PBRM1: variants seen among roughly 807,000 people sequenced by gnomAD.
PBRM1 encodes the protein polybromo 1.
Under a neutral mutation model 194.5 loss-of-function variants are expected in PBRM1, and 27 were observed. That is an observed-to-expected ratio of 0.14 (90% CI 0.10 to 0.19). PBRM1 has a LOEUF of 0.19. Ranked by LOEUF, PBRM1 falls within the 10% of genes least tolerant of loss-of-function variation. The pLI, the probability that PBRM1 is intolerant of heterozygous loss-of-function variation, is 1.00. For missense variants in PBRM1, 1,466 were observed against 2,077.2 expected, an observed-to-expected ratio of 0.71 and a Z score of 5.72; for synonymous variants, 655 against 693.2, an observed-to-expected ratio of 0.94 and a Z score of 0.87.
chr3:52,648,586 T>A (rs2096395250), intron 6 of PBRM1, 144 bp from the exon 8 acceptor site: 1 of 436,772 alleles, frequency 2.3e-6, no homozygotes, highest in Admixed American at 4.3e-5. Context: ...ACATGTAAAG[T>A]CATTTTCTTT....
intron 11 of PBRM1, among the ~76,000 whole-genome samples, chr3:52,631,957 T>G (rs1180607862): frequency 6.6e-6 from 1 of 152,160 alleles, no homozygotes; most frequent in Non-Finnish European, 1.5e-5. Context: ...CAACTTAAGA[T>G]TTTTGGTTAA....
At chr3:52,677,086 C>A (rs1215717232) in intron 2 of PBRM1, among the ~76,000 whole-genome samples, 1 of 152,064 alleles carries the variant, frequency 6.6e-6, no homozygotes, top group Non-Finnish European at 1.5e-5. Context: ...TAGTCCTGTC[C>A]AAGAGAACCC....
intron 10 of PBRM1, among the ~76,000 whole-genome samples, chr3:52,641,668 T>C (rs963424477): frequency 2.6e-5 from 4 of 152,164 alleles, no homozygotes; most frequent in Non-Finnish European, 4.4e-5. Flanking sequence ...TGAGATTTTC[T>C]GATGCTTTTA....
chr3:52,668,537 G>A (rs780202609), exon 3 of PBRM1: 1 of 1,607,056 alleles, frequency 6.2e-7, no homozygotes, highest in Admixed American at 1.7e-5. Context: ...GAAGCTGGAA[G>A]TCAGCAGTCA....
At chr3:52,583,050 T>C (rs1371326658) in intron 20 of PBRM1, among the ~76,000 whole-genome samples, 1 of 123,588 alleles carries the variant, frequency 8.1e-6, no homozygotes, top group African/African-American at 3.2e-5. Context: ...TGAGCTGAGA[T>C]CACGCCAATG....
chr3:52,593,117 C>G (rs2093253758), intron 17 of PBRM1, among the ~76,000 whole-genome samples: 1 of 152,150 alleles, frequency 6.6e-6, no homozygotes, highest in Non-Finnish European at 1.5e-5. Flanking sequence ...ATTTGTTAAT[C>G]TTTTGAATGG....
chr3:52,594,015 C>T (rs536684955), intron 17 of PBRM1, among the ~76,000 whole-genome samples: 9 of 152,176 alleles, frequency 5.9e-5, no homozygotes, highest in Non-Finnish European at 8.8e-5. Context: ...TGTCTAGTAC[C>T]GTCAGTTGGG....
chr3:52,683,357 G>C (rs529858418), upstream of PBRM1, among the ~76,000 whole-genome samples: 61 of 151,364 alleles, frequency 4.0e-4, no homozygotes, highest in African/African-American at 1.4e-3. Context: ...CTGGGTGACA[G>C]AGCGAGACCG....
At chr3:52,671,517 G>C (rs2096949972) in intron 2 of PBRM1, among the ~76,000 whole-genome samples, 1 of 152,230 alleles carries the variant, frequency 6.6e-6, no homozygotes, top group Non-Finnish European at 1.5e-5. Context: ...TTTGGAGTCA[G>C]AACGACTTTA....
At chr3:52,619,726 T>G (rs768319195) in intron 13 of PBRM1, among the ~76,000 whole-genome samples, 3 of 152,208 alleles carry the variant, frequency 2.0e-5, no homozygotes, top group Non-Finnish European at 4.4e-5. Context: ...GGCCAGATCT[T>G]TTCTCTCCAA....
At chr3:52,594,141 C>T (rs181595660) in intron 17 of PBRM1, among the ~76,000 whole-genome samples, 24 of 152,322 alleles carry the variant, frequency 1.6e-4, no homozygotes, top group Admixed American at 1.5e-3. Flanking sequence ...CTTGGCCTCC[C>T]ACAGTGTTGG....
At chr3:52,677,470 C>T (rs932226703) in intron 2 of PBRM1, among the ~76,000 whole-genome samples, 7 of 139,566 alleles carry the variant, frequency 5.0e-5, no homozygotes, top group South Asian at 4.5e-4. Flanking sequence ...TGGAGTGCAA[C>T]GGTACGATCT....
chr3:52,652,638 C>T (rs555334863), intron 5 of PBRM1, among the ~76,000 whole-genome samples: 3 of 150,690 alleles, frequency 2.0e-5, no homozygotes, highest in South Asian at 2.1e-4. Flanking sequence ...TGCAGCGAGC[C>T]GAGATCATGC....
chr3:52,563,209 C>T, intron 24 of PBRM1, 74 bp downstream of exon 26: 1 of 1,111,520 alleles, frequency 9.0e-7, no homozygotes, highest in Non-Finnish European at 1.3e-6. Flanking sequence ...CTGGATGTCA[C>T]TTTACTTTGG....
downstream of PBRM1, chr3:52,545,620 A>C (rs1559753935): frequency 5.6e-5 from 13 of 233,044 alleles, no homozygotes; most frequent in East Asian, 5.4e-4. Flanking sequence ...CTTAAAAAAA[A>C]AACAACAACC....
At chr3:52,581,960 C>T (rs1400527812) in intron 20 of PBRM1, among the ~76,000 whole-genome samples, 2 of 151,960 alleles carry the variant, frequency 1.3e-5, no homozygotes, top group Non-Finnish European at 2.9e-5. Context: ...AAAAAAGTTC[C>T]GGTCGGGAGT....
intron 11 of PBRM1, among the ~76,000 whole-genome samples, chr3:52,629,733 C>T (rs529773183): frequency 6.6e-6 from 1 of 152,280 alleles, no homozygotes; most frequent in South Asian, 2.1e-4. Context: ...AAAGTAGAGT[C>T]ACTATTTGCT....
chr3:52,623,160 T>C (rs575868048), intron 13 of PBRM1, among the ~76,000 whole-genome samples: 1 of 152,318 alleles, frequency 6.6e-6, no homozygotes, highest in East Asian at 1.9e-4. Flanking sequence ...CAGTGATGCA[T>C]GCCTATAGTC....
upstream of PBRM1, chr3:52,682,346 G>A (rs1391864890): frequency 6.8e-6 from 1 of 147,410 alleles, no homozygotes. Flanking sequence ...ATCTGCATTG[G>A]AGACACCATA....
Sources: gnomAD v4.1 joint callset for allele counts (sites outside exome capture counted in the v4.1 genomes callset) on GRCh38, gnomAD v4.1.1 for gene constraint, MANE v1.5 for transcripts, NCBI Gene and HGNC (gene_info 2026-07-23, HGNC 2026-07-21) for gene names.